The following MYO10 variants were observed in gnomAD, a reference collection of about 807,000 sequenced individuals.
MYO10 encodes myosin X.
In MYO10, 133 loss-of-function variants were observed where a neutral mutation model predicts 257.3. The ratio of observed to expected loss-of-function variants is 0.52; its 90% CI spans 0.45 to 0.60. The LOEUF (loss-of-function observed/expected upper bound fraction) is 0.60, where lower values mean the gene tolerates loss of function less well. Ranked by LOEUF, MYO10 falls within the 20% of genes least tolerant of loss-of-function variation. The pLI is 0.00. For missense variants in MYO10, 2,399 were observed against 2,635.7 expected, an observed-to-expected ratio of 0.91 and a Z score of 1.97; for synonymous variants, 1,104 against 1,028.6, an observed-to-expected ratio of 1.07 and a Z score of -1.40.
chr5:16,676,122 C>T lies in MYO10; in HGVS notation c.4575G>A (p.Gln1525=), dbSNP rs761409999. ...GAAGGATCGGGTTCCGCTTGTAAATCTGTTCCACCACATCCGAGTTCAGGC... is the reference window on the plus strand; with the variant it reads ...GAAGGATCGGGTTCCGCTTGTAAATTTGTTCCACCACATCCGAGTTCAGGC... ...ENCLNSDVVE[Q]IYKRNPILRY... Residue 1525 remains glutamine, a synonymous_variant, in exon 34 of 41, where the codon CAG becomes CAA. Transcript: ENST00000513610. The T allele has an allele frequency of 3.1e-6, 5 of 1,613,324 alleles. No individual in the cohort carries two copies. The South Asian group carries it at 5.5e-5, about 18-fold the overall frequency.
chr5:16,818,853 T>C (rs191389169), intron 2 of MYO10, among the ~76,000 whole-genome samples: 171 of 152,330 alleles, frequency 1.1e-3, no homozygotes, highest in Non-Finnish European at 2.0e-3. Flanking sequence ...ATTATAAACT[T>C]ATAGTTCACT....
At chr5:16,710,324 G>A (rs1040504850) in intron 21 of MYO10, among the ~76,000 whole-genome samples, 3 of 152,174 alleles carry the variant, frequency 2.0e-5, no homozygotes, top group African/African-American at 7.2e-5. Flanking sequence ...CAAATTTTGT[G>A]ACTAATTTTT....
At chr5:16,795,077 T>TGCTCCCCAGG (rs1560988768) in intron 3 of MYO10, among the ~76,000 whole-genome samples, 5 of 150,928 alleles carry the variant, frequency 3.3e-5, no homozygotes, top group African/African-American at 1.2e-4. Context: ...CCAGGCCCAG[T>TGCTCCCCAGG]CCCTGCTCCC....
intron 10 of MYO10, among the ~76,000 whole-genome samples, chr5:16,766,496 C>T (rs1405780050): frequency 6.6e-6 from 1 of 151,880 alleles, no homozygotes; most frequent in Non-Finnish European, 1.5e-5. Context: ...GTGCAATGAT[C>T]TCGGTTCACT....
chr5:16,801,891 A>G (rs560031857), intron 3 of MYO10, among the ~76,000 whole-genome samples: 11 of 152,360 alleles, frequency 7.2e-5, no homozygotes, highest in African/African-American at 2.6e-4. Flanking sequence ...GTGTCTGCCA[A>G]TAAATGAACA....
At chr5:16,698,634 T>TGTATGTCTG (rs1737878888) in intron 26 of MYO10, among the ~76,000 whole-genome samples, 54 of 137,854 alleles carry the variant, frequency 3.9e-4, no homozygotes, top group African/African-American at 1.6e-3. Context: ...TTTTTTTTTT[T>TGTATGTCTG]TTTTTTTGAG....
At chr5:16,822,697 T>A (rs1306058035) in intron 2 of MYO10, among the ~76,000 whole-genome samples, 56 of 151,004 alleles carry the variant, frequency 3.7e-4, no homozygotes, top group East Asian at 2.5e-3. Flanking sequence ...TTTATTTTTT[T>A]TTTTTTTTGA....
intron 3 of MYO10, among the ~76,000 whole-genome samples, chr5:16,807,131 C>T (rs1271439439): frequency 6.6e-6 from 1 of 152,108 alleles, no homozygotes; most frequent in Non-Finnish European, 1.5e-5. Flanking sequence ...TCACCATCCC[C>T]CCGTTTCCTT....
chr5:16,918,988 T>C (rs1012800000), intron 1 of MYO10, among the ~76,000 whole-genome samples: 1 of 152,190 alleles, frequency 6.6e-6, no homozygotes, highest in African/African-American at 2.4e-5. Context: ...TAATTCCTTT[T>C]GGACTTGTAT....
At chr5:16,876,647 C>G (rs1197278987) in intron 2 of MYO10, among the ~76,000 whole-genome samples, 1 of 152,132 alleles carries the variant, frequency 6.6e-6, no homozygotes, top group Non-Finnish European at 1.5e-5. Context: ...CTCCGCCTCG[C>G]AGGTTGAAGC....
rs929566864 is a variant in MYO10, at chr5:16,703,090, C to T, written c.2345G>A (p.Arg782Lys). 4.4e-6 allele frequency: 7 copies of T among 1,581,764 alleles called. No individual in the cohort carries two copies. The Middle Eastern group carries it at 5.0e-4, about 113-fold the overall frequency. Residue 782 changes from arginine (R) to lysine (K), a missense_variant, in exon 23 of 41, where the codon AGG (arginine) becomes AAG (lysine). By Grantham distance (26) the Arg-to-Lys change is conservative. Coordinates refer to ENST00000513610, the MANE Select transcript of MYO10 (RefSeq NM_012334.3). ...IQKNYRAFLL[R>K]RRFLHLKKAA... Reference sequence around the variant, plus strand: ...CTTTTTCAGGTGCAAAAATCTCCTCCTCAGAAGGAATGCTCTGTAATTCTT... The same window carrying T: ...CTTTTTCAGGTGCAAAAATCTCCTCTTCAGAAGGAATGCTCTGTAATTCTT...
chr5:16,874,359 G>GGGGGGGGTGT (rs1561031407), intron 2 of MYO10, among the ~76,000 whole-genome samples: 1 of 28,500 alleles, frequency 3.5e-5, no homozygotes. Flanking sequence ...GGGGGGGGGG[G>GGGGGGGGTGT]TTTCTTTTCT....
chr5:16,749,389 A>G (rs548086878), intron 19 of MYO10, among the ~76,000 whole-genome samples: 3 of 151,330 alleles, frequency 2.0e-5, no homozygotes, highest in Non-Finnish European at 2.9e-5. Context: ...TGGAAGGCTG[A>G]GGCAGGAGAA....
At chr5:16,925,702 G>A (rs1292264627) in intron 1 of MYO10, among the ~76,000 whole-genome samples, 2 of 152,190 alleles carry the variant, frequency 1.3e-5, no homozygotes. Flanking sequence ...ATGAGCCACC[G>A]TGTCCGGCCT....
chr5:16,868,496 C>T (rs906758935), intron 2 of MYO10, among the ~76,000 whole-genome samples: 2 of 151,942 alleles, frequency 1.3e-5, no homozygotes, highest in African/African-American at 2.4e-5. Flanking sequence ...CCCAGCCACT[C>T]GGGAGGCTGA....
chr5:16,840,994 A>C (rs1459288794), intron 2 of MYO10, among the ~76,000 whole-genome samples: 1 of 152,040 alleles, frequency 6.6e-6, no homozygotes, highest in African/African-American at 2.4e-5. Flanking sequence ...TACAAAAAAA[A>C]ATTAGCCGGG....
At chr5:16,787,691 C>T (rs2126675095) in intron 4 of MYO10, among the ~76,000 whole-genome samples, 1 of 151,260 alleles carries the variant, frequency 6.6e-6, no homozygotes, top group Admixed American at 6.6e-5. Flanking sequence ...GATGGGGGGC[C>T]ACAGGCTGTA....
rs190808537 is a variant in MYO10 at position 16,674,957 on chromosome 5, G to A, written c.4860C>T (p.Pro1620=). Residue 1620 remains proline, a synonymous_variant, in exon 35 of 41, where the codon CCC becomes CCT. Coordinates refer to ENST00000513610, the MANE Select transcript of MYO10 (RefSeq NM_012334.3). ...AGCTGTACAGGTTGCCCACACTGCC[G>A]GGGTGGGGCACTTTGTTGGTCTGTT... ...LIKQTNKVPH[P]GSVGNLYSWQ... The A allele has an allele frequency of 3.1e-4, 504 of 1,613,988 alleles. 3 individuals are homozygous for A. In the African/African-American group the frequency reaches 5.5e-3, roughly 18 times the overall value.
At chr5:16,730,349 G>C (rs929041303) in intron 19 of MYO10, among the ~76,000 whole-genome samples, 2 of 152,192 alleles carry the variant, frequency 1.3e-5, no homozygotes, top group African/African-American at 4.8e-5. Flanking sequence ...AGAGAGAGAA[G>C]GGTATGTGAC....
Sources: gnomAD v4.1 joint callset for allele counts (sites outside exome capture counted in the v4.1 genomes callset) on GRCh38, gnomAD v4.1.1 for gene constraint, MANE v1.5 for transcripts, NCBI Gene and HGNC (gene_info 2026-07-23, HGNC 2026-07-21) for gene names.